The following ASIC2 variants were observed in gnomAD, a reference collection of about 807,000 sequenced individuals.
ASIC2 encodes acid-sensing ion channel 2.
A neutral mutation model predicts 57.3 loss-of-function variants in ASIC2; 25 were observed. The observed-to-expected ratio is 0.44, with a 90% CI of 0.32 to 0.61. ASIC2 has a LOEUF of 0.61. Ranked by LOEUF, ASIC2 falls within the 20% of genes least tolerant of loss-of-function variation. The probability of loss-of-function intolerance (pLI) is 0.06; values close to 1 mark genes in which losing one functional copy is unlikely to be tolerated. For missense variants in ASIC2, 641 were observed against 738.1 expected (o/e 0.87, Z 1.52); for synonymous variants, 319 against 307.5 (o/e 1.04, Z -0.39).
At position 33,657,281 on chromosome 17, in the gene ASIC2, C is replaced by T. The variant is rs182203557; in HGVS notation, c.555+498697G>A. 5.0e-3 allele frequency among the ~76,000 whole-genome samples: 758 copies of T among 152,284 alleles called. 4 individuals carry two copies. The highest frequency in any genetic ancestry group is 0.017 in the African/African-American group (724 of 41,554). On this transcript the variant is annotated intron_variant, in intron 1 of 9. Coordinates refer to the ASIC2 transcript ENST00000359872. The stretch of plus-strand genomic sequence containing the variant: ...GAAGATGCAACACACCGACTGGCTA[C>T]GCTGCAGTTACTGCATCTTTCTGGC...
intron 1 of ASIC2, among the ~76,000 whole-genome samples, chr17:33,434,228 A>G (rs1041138973): frequency 2.0e-5 from 3 of 152,100 alleles, no homozygotes; most frequent in Non-Finnish European, 4.4e-5. Flanking sequence ...ATTACATAAT[A>G]ATAGAAGTCC....
chr17:33,507,342 C>T (rs372087714), intron 1 of ASIC2, among the ~76,000 whole-genome samples: 208 of 152,290 alleles, frequency 1.4e-3, no homozygotes, highest in African/African-American at 4.6e-3. Flanking sequence ...GCAAGCACAC[C>T]GATAAATCAT....
At chr17:34,051,539 G>A (rs1227298442) in intron 1 of ASIC2, among the ~76,000 whole-genome samples, 1 of 152,176 alleles carries the variant, frequency 6.6e-6, no homozygotes, top group East Asian at 1.9e-4. Flanking sequence ...TTCAAATTGT[G>A]CATATCCACC....
chr17:33,625,171 C>CTATT lies in ASIC2; in HGVS notation c.556-513105_556-513104insAATA, dbSNP rs1555548128. Among the ~76,000 whole-genome samples the CTATT allele has an allele frequency of 7.9e-3, 1,204 of 151,950 alleles. 17 individuals carry two copies. Among genetic ancestry groups the CTATT allele is most frequent in the South Asian group, 0.035 (168 of 4,804 alleles). On this transcript the variant is annotated intron_variant, in intron 1 of 9. Transcript: ENST00000359872. ...TCTATCTATCTATCTATCTATCTATCTATCATCTATTATCTATCTATTATC... is the reference window on the plus strand; with the variant it reads ...TCTATCTATCTATCTATCTATCTATCTATTTATCATCTATTATCTATCTATTATC...
intron 1 of ASIC2, among the ~76,000 whole-genome samples, chr17:33,560,676 G>T (rs996476404): frequency 6.6e-6 from 1 of 152,174 alleles, no homozygotes; most frequent in South Asian, 2.1e-4. Context: ...AAGAAGCAAC[G>T]AATGTGACCA....
At chr17:34,045,197 C>T (rs182662338) in intron 1 of ASIC2, among the ~76,000 whole-genome samples, 11 of 152,306 alleles carry the variant, frequency 7.2e-5, no homozygotes, top group Admixed American at 2.6e-4. Flanking sequence ...GACTCCACCA[C>T]TCTTCCCCTC....
intron 1 of ASIC2, among the ~76,000 whole-genome samples, chr17:33,189,784 G>A (rs1259944958): frequency 6.6e-6 from 1 of 152,178 alleles, no homozygotes; most frequent in Admixed American, 6.5e-5. Context: ...TAACAACAGA[G>A]CTTCCAAATA....
At chr17:33,710,552 A>G (rs903816511) in intron 1 of ASIC2, among the ~76,000 whole-genome samples, 15 of 152,216 alleles carry the variant, frequency 9.9e-5, no homozygotes, top group Non-Finnish European at 4.4e-5. Flanking sequence ...AGATAATGCC[A>G]GAGTTTTCAA....
intron 1 of ASIC2, among the ~76,000 whole-genome samples, chr17:33,324,724 C>T (rs968137874): frequency 3.3e-5 from 5 of 152,170 alleles, no homozygotes; most frequent in African/African-American, 1.2e-4. Context: ...GAGAGGAGCC[C>T]AGGGATCAGT....
chr17:33,667,558 C>G (rs1259545132), intron 1 of ASIC2, among the ~76,000 whole-genome samples: 1 of 152,134 alleles, frequency 6.6e-6, no homozygotes, highest in Non-Finnish European at 1.5e-5. Context: ...CGTGGGCTTC[C>G]GAACCAGACA....
At chr17:33,260,152 T>C (rs1037758675) in intron 1 of ASIC2, among the ~76,000 whole-genome samples, 1 of 151,876 alleles carries the variant, frequency 6.6e-6, no homozygotes, top group Non-Finnish European at 1.5e-5. Flanking sequence ...AAAAGAAAAA[T>C]GCAGAGGGAG....
At chr17:33,199,033 G>A (rs1597626146) in intron 1 of ASIC2, among the ~76,000 whole-genome samples, 2 of 152,100 alleles carry the variant, frequency 1.3e-5, no homozygotes, top group Admixed American at 1.3e-4. Flanking sequence ...CTGGCATCAC[G>A]CCAGTTAAAA....
chr17:33,852,679 CCTTGCTACCT>C (rs1378932823), intron 1 of ASIC2, among the ~76,000 whole-genome samples: 19 of 152,276 alleles, frequency 1.2e-4, no homozygotes, highest in African/African-American at 4.6e-4. Context: ...TTTCCCTACA[CCTTGCTACCT>C]CTTGATAAGG....
intron 1 of ASIC2, among the ~76,000 whole-genome samples, chr17:33,157,989 C>T (rs1905056316): frequency 6.6e-6 from 1 of 152,202 alleles, no homozygotes; most frequent in African/African-American, 2.4e-5. Context: ...TGGAATGTTC[C>T]TCCCCCAGCA....
At chr17:34,073,929 T>C (rs776625591) in intron 1 of ASIC2, among the ~76,000 whole-genome samples, 4 of 152,214 alleles carry the variant, frequency 2.6e-5, no homozygotes, top group Non-Finnish European at 4.4e-5. Flanking sequence ...ACAGGCCTCC[T>C]TCTGCGTAAG....
chr17:33,692,244 A>C (rs911137044), intron 1 of ASIC2: 3 of 152,180 alleles, frequency 2.0e-5, no homozygotes, highest in African/African-American at 7.2e-5. Context: ...CTCAGTTCCT[A>C]TCATTATCCT....
chr17:33,400,493 G>A (rs1363852677), intron 1 of ASIC2, among the ~76,000 whole-genome samples: 2 of 152,152 alleles, frequency 1.3e-5, no homozygotes, highest in Admixed American at 6.5e-5. Context: ...TCATTTGTGA[G>A]TGTTGATGAC....
intron 1 of ASIC2, among the ~76,000 whole-genome samples, chr17:33,816,013 C>T (rs978696991): frequency 6.6e-6 from 1 of 152,032 alleles, no homozygotes; most frequent in Non-Finnish European, 1.5e-5. Context: ...GGGAAGTGCA[C>T]ATTACATAGG....
chr17:34,044,990 C>T lies in ASIC2; in HGVS notation c.555+110988G>A, dbSNP rs144327874. Among the ~76,000 whole-genome samples, 77 of 152,276 alleles carry T rather than the reference C, an allele frequency of 5.1e-4. No individual in the cohort carries two copies. In the East Asian group the frequency reaches 0.014, roughly 28 times the overall value. On this transcript the variant is annotated intron_variant, in intron 1 of 9. Coordinates refer to the ASIC2 transcript ENST00000359872. ...CCTCTGTCCTCAGTGAGCTCACAGT[C>T]GAACACAGGAAGTTGGATGAGGAAA...
Sources: gnomAD v4.1 joint callset for allele counts (sites outside exome capture counted in the v4.1 genomes callset) on GRCh38, gnomAD v4.1.1 for gene constraint, MANE v1.5 for transcripts, NCBI Gene and HGNC (gene_info 2026-07-23, HGNC 2026-07-21) for gene names.